Variants in MAGEA11 observed in about 807,000 individuals in gnomAD.
MAGEA11 encodes the protein melanoma-associated antigen 11.
Under a neutral mutation model 8.4 loss-of-function variants are expected in MAGEA11, and 1 was observed. That is an observed-to-expected ratio of 0.12 (90% confidence interval 0.04 to 0.57). The LOEUF (loss-of-function observed/expected upper bound fraction) is 0.57. Ranked by LOEUF, MAGEA11 falls within the 20% of genes least tolerant of loss-of-function variation. The pLI is 0.91. For synonymous variants in MAGEA11, 127 were observed against 119.3 expected (o/e 1.06, Z -0.42); for missense variants, 209 against 317.3 (o/e 0.66, Z 2.59).
At chrX:149,710,033 G>A (rs1557361786), upstream of MAGEA11, among the ~76,000 whole-genome samples, 1 of 111,829 alleles carries the variant, frequency 8.9e-6, no homozygotes, top group Non-Finnish European at 1.9e-5. Context: ...TAATGCAACA[G>A]TCTATCTAGA....
chrX:149,689,287 A>G (rs2090300887), intron 1 of MAGEA11, among the ~76,000 whole-genome samples: 4 of 111,242 alleles, frequency 3.6e-5, no homozygotes. Context: ...AACCTCTTCT[A>G]ATCTAGTGTG....
intron 1 of MAGEA11, among the ~76,000 whole-genome samples, chrX:149,704,890 C>T (rs367669517): frequency 1.1e-4 from 12 of 112,806 alleles, no homozygotes; most frequent in African/African-American, 3.2e-4. Flanking sequence ...TAGGACGGAG[C>T]GCAGTGCTCA....
chrX:149,708,033 C>G (rs2344707), upstream of MAGEA11, among the ~76,000 whole-genome samples: 46,893 of 111,050 alleles, frequency 0.42, 7,557 homozygotes, highest in Non-Finnish European at 0.48. Flanking sequence ...TTGTCAGATG[C>G]GTAGTTGGGG....
upstream of MAGEA11, among the ~76,000 whole-genome samples, chrX:149,707,250 G>C (rs1282238108): frequency 8.9e-6 from 1 of 112,247 alleles, no homozygotes; most frequent in Non-Finnish European, 1.9e-5. Context: ...CATGTATTGT[G>C]TGCCAGGCAC....
upstream of MAGEA11, among the ~76,000 whole-genome samples, chrX:149,710,081 A>G (rs1394640427): frequency 8.9e-6 from 1 of 112,273 alleles, no homozygotes; most frequent in Non-Finnish European, 1.9e-5. Context: ...AGTCAAATGA[A>G]TAAGAGACGT....
upstream of MAGEA11, among the ~76,000 whole-genome samples, chrX:149,708,093 C>T (rs5983889): frequency 0.12 from 13,537 of 112,016 alleles, 862 homozygotes; most frequent in Non-Finnish European, 0.18. Context: ...TGGATAGTTT[C>T]TTTTGCTGAG....
At chrX:149,712,959 G>A (rs1437002543) in intron 1 of MAGEA11, among the ~76,000 whole-genome samples, 184 bp from the exon 2 acceptor site, 1 of 112,174 alleles carries the variant, frequency 8.9e-6, no homozygotes, top group African/African-American at 3.2e-5. Context: ...CCTGATTTCC[G>A]CATCCTGGGC....
At chrX:149,693,792 A>G (rs2090319885) in intron 1 of MAGEA11, among the ~76,000 whole-genome samples, 1 of 111,867 alleles carries the variant, frequency 8.9e-6, no homozygotes, top group East Asian at 2.8e-4. Context: ...TATTCTGGGA[A>G]CTTCATAATA....
At chrX:149,688,933 C>T in exon 1 of MAGEA11, 1 of 1,022,443 alleles carries the variant, frequency 9.8e-7, no homozygotes, top group Non-Finnish European at 1.3e-6. Flanking sequence ...GCAAGTGGAG[C>T]TGGTGACTGA....
chrX:149,715,905 C>T lies in MAGEA11; in HGVS notation c.419C>T (p.Ala140Val). 1 of 1,211,676 alleles carries T rather than the reference C, an allele frequency of 8.3e-7. No homozygotes were observed. The highest frequency in any genetic ancestry group is 1.8e-5 in the South Asian group (1 of 56,976). Residue 140 changes from alanine to valine, a missense_variant, in exon 5 of 5, where the codon GCT becomes GTT. Physicochemically the swap from Ala to Val is moderately conservative, Grantham distance 64. Around this residue, in one of 2 missense-constraint regions of MAGEA11, gnomAD observed 131 missense variants for 138.5 expected, o/e 0.95. Transcript: ENST00000355220. ...GACCTGGGCCTGGTGGGTGCACAGGCTCTCCAAGCTGAGGAGCAGGAGGCT... is the reference window on the plus strand; with the variant it reads ...GACCTGGGCCTGGTGGGTGCACAGGTTCTCCAAGCTGAGGAGCAGGAGGCT... The part of the protein sequence containing the change: ...EEDLGLVGAQ[A>V]LQAEEQEAAF...
chrX:149,689,126 G>A lies in MAGEA11; in HGVS notation c.9+142G>A, dbSNP rs782640634. The A allele has an allele frequency of 2.2e-5, 11 of 500,426 alleles. No homozygotes were observed. In the East Asian group the frequency reaches 2.9e-4, roughly 13 times the overall value. 41.2% of individuals were successfully genotyped at this position (500,426 alleles called of 1,213,427 possible). On this transcript the variant is annotated intron_variant, in intron 1 of 3. Coordinates refer to the MAGEA11 transcript ENST00000333104. ...TCAGAATGCCTCCCATGGTTTCTGC[G>A]TCCTTGTCACAACAGAGAACCTGTG... is the stretch of plus-strand genomic sequence containing the variant.
Position 149,716,572 on chromosome X carries a change from T to A in MAGEA11, c.1086T>A (p.Asn362Lys). Residue 362 changes from asparagine to lysine, a missense_variant, in exon 5 of 5, where the codon AAT (asparagine) becomes AAA (lysine). Asn to Lys is a moderately conservative substitution (Grantham distance 94). This residue lies in a region of MAGEA11 where 78 missense variants were observed against 178.8 expected (regional missense o/e 0.44). Coordinates refer to ENST00000355220, the MANE Select transcript of MAGEA11 (RefSeq NM_005366.5). ...AGCCCAAGAGGCTCCTTACCCAAAA[T>A]TGGGTGCAGGAAAAGTACCTGGTGT... ...FGEPKRLLTQ[N>K]WVQEKYLVYR... 1.7e-6 allele frequency: 2 copies of A among 1,211,423 alleles called. No individual in the cohort carries two copies. Among genetic ancestry groups the A allele is most frequent in the Non-Finnish European group, 2.2e-6 (2 of 895,326 alleles).
At chrX:149,701,698 A>C (rs2124290084) in intron 1 of MAGEA11, among the ~76,000 whole-genome samples, 1 of 110,397 alleles carries the variant, frequency 9.1e-6, no homozygotes. Context: ...TTATGGTTTT[A>C]GGTCTAACGT....
rs371849790 is a variant in MAGEA11, at chrX:149,712,753, C to T, written c.-17-390C>T. Among the ~76,000 whole-genome samples the T allele has an allele frequency of 9.6e-3, 1,075 of 112,325 alleles. 18 individuals are homozygous for T. The highest frequency in any genetic ancestry group is 0.032 in the African/African-American group (985 of 30,894). On this transcript the variant is annotated intron_variant, in intron 1 of 4. Coordinates refer to ENST00000355220, the MANE Select transcript of MAGEA11 (RefSeq NM_005366.5). ...GACACCCCCCTCGGCTTCTGCCCCC[C>T]GCCGCTTAAGCCTCAGGGGACTGTG...
At chrX:149,689,930 C>A (rs1225802314) in intron 1 of MAGEA11, among the ~76,000 whole-genome samples, 3 of 111,367 alleles carry the variant, frequency 2.7e-5, no homozygotes, top group Non-Finnish European at 5.7e-5. Context: ...GACTGTTTAC[C>A]CTCCCTCCCT....
At chrX:149,688,663 T>C (rs370106261), upstream of MAGEA11, among the ~76,000 whole-genome samples, 6 of 6,113 alleles carry the variant, frequency 9.8e-4, no homozygotes, top group Non-Finnish European at 2.7e-3. Context: ...TACACATACA[T>C]ATACATATAC....
chrX:149,695,408 CA>C (rs1232811899), intron 1 of MAGEA11, among the ~76,000 whole-genome samples: 362 of 103,958 alleles, frequency 3.5e-3, no homozygotes, highest in Middle Eastern at 0.024. Context: ...AAACTAAAAA[CA>C]AAAAAAAAAC....
At chrX:149,714,828 A>G (rs1428327327) in intron 3 of MAGEA11, among the ~76,000 whole-genome samples, 46 of 111,278 alleles carry the variant, frequency 4.1e-4, no homozygotes, top group African/African-American at 1.5e-3. Context: ...GACAGCACTT[A>G]CCAAAAACAT....
chrX:149,712,330 C>T (rs782239699), intron 1 of MAGEA11, among the ~76,000 whole-genome samples, 168 bp downstream of exon 1: 1 of 111,565 alleles, frequency 9.0e-6, no homozygotes, highest in South Asian at 3.9e-4. Flanking sequence ...ATGGTGTGAC[C>T]CGGGCAGAGG....
Sources: gnomAD v4.1 joint callset for allele counts (sites outside exome capture counted in the v4.1 genomes callset) on GRCh38, gnomAD v4.1.1 for gene constraint, gnomAD v4.1.1 regional missense constraint, MANE v1.5 for transcripts, NCBI Gene and HGNC (gene_info 2026-07-23, HGNC 2026-07-21) for gene names.